Variants in PPFIA2 observed in about 807,000 individuals in gnomAD.
PPFIA2 encodes the protein PPFI scaffold protein A2.
A neutral mutation model predicts 175.5 loss-of-function variants in PPFIA2; 46 were observed. The observed-to-expected ratio is 0.26, with a 90% CI of 0.21 to 0.34. The LOEUF (loss-of-function observed/expected upper bound fraction) is 0.34. PPFIA2 is among the 10% of genes least tolerant of loss of function. The pLI is 1.00. For missense variants in PPFIA2, 1,179 were observed against 1,506.1 expected (o/e 0.78, Z 3.60); for synonymous variants, 568 against 511.4 (o/e 1.11, Z -1.49).
intron 5 of PPFIA2, among the ~76,000 whole-genome samples, chr12:81,446,986 G>C (rs902515045): frequency 5.9e-5 from 9 of 152,014 alleles, no homozygotes; most frequent in Admixed American, 3.9e-4. Flanking sequence ...TAAATCAGTA[G>C]ATAAGAGTCA....
chr12:81,440,088 T>C, intron 6 of PPFIA2, 42 bp from the exon 7 acceptor site: 4 of 1,427,632 alleles, frequency 2.8e-6, no homozygotes, highest in Non-Finnish European at 3.8e-6. Flanking sequence ...GTACATCCCA[T>C]ACATATTAAA....
chr12:81,325,854 A>C lies in PPFIA2; in HGVS notation c.2565T>G (p.Thr855=), dbSNP rs1231480850. Residue 855 remains threonine, a synonymous_variant, in exon 22 of 33, where the codon ACT becomes ACG. Coordinates refer to ENST00000549396, the MANE Select transcript of PPFIA2 (RefSeq NM_003625.5). Reference sequence around the variant, plus strand: ...CCAGGGACTCCTGAGCTGCAGCTTCAGTCTCCATAAAGCCTCCTGTGAAGA... The same window carrying C: ...CCAGGGACTCCTGAGCTGCAGCTTCCGTCTCCATAAAGCCTCCTGTGAAGA... The part of the protein sequence containing the change: ...RLGQLRGFME[T]EAAAQESLGL... 1 of 1,612,016 alleles carries C rather than the reference A, an allele frequency of 6.2e-7. No homozygotes were observed. The highest frequency in any genetic ancestry group is 8.5e-7 in the Non-Finnish European group (1 of 1,178,442).
chr12:81,689,661 C>A (rs564962345), intron 3 of PPFIA2, among the ~76,000 whole-genome samples: 1 of 152,036 alleles, frequency 6.6e-6, no homozygotes, highest in East Asian at 1.9e-4. Flanking sequence ...ACTCAAGCTC[C>A]CCCTCCCCAA....
At chr12:81,340,149 A>G (rs1261303497) in intron 20 of PPFIA2, among the ~76,000 whole-genome samples, 2 of 152,074 alleles carry the variant, frequency 1.3e-5, no homozygotes, top group Non-Finnish European at 2.9e-5. Context: ...ATAGCTTTTT[A>G]TATGTTGAAA....
At chr12:81,586,957 T>C (rs896716141) in intron 4 of PPFIA2, among the ~76,000 whole-genome samples, 1 of 151,958 alleles carries the variant, frequency 6.6e-6, no homozygotes, top group African/African-American at 2.4e-5. Flanking sequence ...GTAAATACTT[T>C]TACAAGATTC....
At position 81,360,770 on chromosome 12, in the gene PPFIA2, T is replaced by C. The variant is rs1466083991; in HGVS notation, c.1637+1923A>G. On this transcript the variant is annotated intron_variant, in intron 15 of 32. Transcript: ENST00000549396. The stretch of plus-strand genomic sequence containing the variant: ...GTTTAATAAATATTCAGTTATCCTG[T>C]AACTTATTATAATAAGTTCTGTTTA... Among the ~76,000 whole-genome samples, 5 of 142,136 alleles carry C rather than the reference T, an allele frequency of 3.5e-5. No individual in the cohort carries two copies. The East Asian group carries it at 1.1e-3, about 32-fold the overall frequency. The allele number at this position is 142,136 out of a possible 152,430, so 93.2% of individuals were successfully genotyped here. A position where few individuals can be genotyped will look rare whatever the true frequency, so the allele number is the denominator to read the frequency against.
chr12:81,433,394 AT>A (rs1215750171), intron 7 of PPFIA2, among the ~76,000 whole-genome samples: 1 of 152,086 alleles, frequency 6.6e-6, no homozygotes, highest in Non-Finnish European at 1.5e-5. Flanking sequence ...TTGTGCCTGT[AT>A]TTTGTATTTA....
chr12:81,490,130 G>A (rs1197445012), intron 4 of PPFIA2, among the ~76,000 whole-genome samples: 1 of 151,864 alleles, frequency 6.6e-6, no homozygotes, highest in Admixed American at 6.6e-5. Context: ...AGCGAATTAA[G>A]TTGTTGGAAA....
At chr12:81,579,987 C>T (rs138677253) in intron 4 of PPFIA2, among the ~76,000 whole-genome samples, 1 of 151,836 alleles carries the variant, frequency 6.6e-6, no homozygotes, top group Non-Finnish European at 1.5e-5. Context: ...GGATCTTTTA[C>T]TCTGATCCAA....
At chr12:81,447,040 T>G (rs2051420190) in intron 5 of PPFIA2, among the ~76,000 whole-genome samples, 2 of 152,216 alleles carry the variant, frequency 1.3e-5, no homozygotes, top group South Asian at 4.1e-4. Flanking sequence ...GGCTCACTCC[T>G]GTAATCCCAG....
At chr12:81,313,648 T>A (rs1418477416) in intron 22 of PPFIA2, among the ~76,000 whole-genome samples, 13 of 152,066 alleles carry the variant, frequency 8.5e-5, no homozygotes. Flanking sequence ...TTTTAGATTT[T>A]AAAATGATTT....
chr12:81,558,412 C>T lies in PPFIA2; in HGVS notation c.304-100546G>A, dbSNP rs76069916. On this transcript the variant is annotated intron_variant, in intron 4 of 32. Coordinates refer to ENST00000549396, the MANE Select transcript of PPFIA2 (RefSeq NM_003625.5). ...GGCAACTATATTTTCATACACATTA[C>T]AATTTGATACAAGCTTGCTGACAAT... is the stretch of plus-strand genomic sequence containing the variant. 4.1e-3 allele frequency among the ~76,000 whole-genome samples: 620 copies of T among 152,274 alleles called. 4 individuals are homozygous for T. Among genetic ancestry groups the T allele is most frequent in the African/African-American group, 0.014 (577 of 41,556 alleles).
intron 14 of PPFIA2, among the ~76,000 whole-genome samples, chr12:81,364,466 C>G (rs1195378160): frequency 6.6e-6 from 1 of 151,854 alleles, no homozygotes; most frequent in African/African-American, 2.4e-5. Context: ...TCATTGCAGT[C>G]TTGAACTCCA....
intron 4 of PPFIA2, among the ~76,000 whole-genome samples, chr12:81,605,960 G>A (rs1014129891): frequency 2.6e-5 from 4 of 151,676 alleles, no homozygotes; most frequent in African/African-American, 4.8e-5. Flanking sequence ...TTCAACCCAC[G>A]CTACACTCCA....
At chr12:81,312,252 G>T in intron 22 of PPFIA2, 1 of 1,280,328 alleles carries the variant, frequency 7.8e-7, no homozygotes, top group Non-Finnish European at 1.1e-6. Context: ...GAAAACCATG[G>T]AATAAAACAA....
At chr12:81,670,460 T>G (rs992713821) in intron 4 of PPFIA2, among the ~76,000 whole-genome samples, 2 of 151,924 alleles carry the variant, frequency 1.3e-5, no homozygotes, top group Non-Finnish European at 1.5e-5. Context: ...TGGAATTTAC[T>G]AGTACCTGGA....
chr12:81,482,717 T>C (rs1210649290), intron 4 of PPFIA2, among the ~76,000 whole-genome samples: 1 of 152,062 alleles, frequency 6.6e-6, no homozygotes, highest in Admixed American at 6.6e-5. Flanking sequence ...GAGGGGAACA[T>C]CACACACTGG....
In PPFIA2 at chr12:81,725,034, G is replaced by C. The variant is rs2079872956; in HGVS notation, c.249+28939C>G. Among the ~76,000 whole-genome samples, 3 of 150,888 alleles carry C rather than the reference G, an allele frequency of 2.0e-5. No individual in the cohort carries two copies. In the Admixed American group the frequency reaches 2.0e-4, roughly 10 times the overall value. On this transcript the variant is annotated intron_variant, in intron 3 of 32. Transcript: ENST00000549396. Reference sequence around the variant, plus strand: ...ATTATAGCCATTCTAACCGGTTTAAGGTGGTATCTCATTGTGATTTTAATT... The same window carrying C: ...ATTATAGCCATTCTAACCGGTTTAACGTGGTATCTCATTGTGATTTTAATT...
intron 4 of PPFIA2, among the ~76,000 whole-genome samples, chr12:81,632,752 C>A (rs2063535499): frequency 6.6e-6 from 1 of 151,196 alleles, no homozygotes; most frequent in Non-Finnish European, 1.5e-5. Context: ...AGTGTCTGAG[C>A]CAAAAAAGCA....
Sources: gnomAD v4.1 joint callset for allele counts (sites outside exome capture counted in the v4.1 genomes callset) on GRCh38, gnomAD v4.1.1 for gene constraint, MANE v1.5 for transcripts, NCBI Gene and HGNC (gene_info 2026-07-23, HGNC 2026-07-21) for gene names.